THSD7B: variants seen among roughly 807,000 people sequenced by gnomAD.
THSD7B encodes thrombospondin type-1 domain-containing protein 7B.
Under a neutral mutation model 213.6 loss-of-function variants are expected in THSD7B, and 138 were observed. That is an observed-to-expected ratio of 0.65 (90% CI 0.56 to 0.74). The LOEUF is 0.74. Among genes scored for constraint, THSD7B ranks in the 30% least tolerant of loss-of-function variants. The pLI is 0.00. For missense variants in THSD7B, 1,931 were observed against 1,991.5 expected (o/e 0.97, Z 0.58); for synonymous variants, 742 against 687.0 (o/e 1.08, Z -1.25).
At chr2:136,916,116 T>A (rs1274364077) in intron 2 of THSD7B, among the ~76,000 whole-genome samples, 1 of 152,188 alleles carries the variant, frequency 6.6e-6, no homozygotes, top group Non-Finnish European at 1.5e-5. Context: ...TGGATGTTTT[T>A]GTTTTTGTTT....
At chr2:137,573,084 G>T (rs894718324) in intron 17 of THSD7B, among the ~76,000 whole-genome samples, 1 of 151,036 alleles carries the variant, frequency 6.6e-6, no homozygotes, top group East Asian at 1.9e-4. Flanking sequence ...AAAACTAAAG[G>T]ATATACCTTT....
At chr2:137,278,473 T>C (rs528958585) in intron 12 of THSD7B, among the ~76,000 whole-genome samples, 2 of 152,152 alleles carry the variant, frequency 1.3e-5, no homozygotes, top group East Asian at 3.9e-4. Context: ...CATGAAATGT[T>C]TGTAGAAAAC....
Position 137,580,161 on chromosome 2 carries a change from A to C in THSD7B, c.3423+7605A>C, listed in dbSNP as rs527401617. ...CACAAGTTCTATTAAATTTCAAATG[A>C]ATATTCCTATACCAACTAGTTTCTG... is the stretch of plus-strand genomic sequence containing the variant. On this transcript the variant is annotated intron_variant, in intron 17 of 27. Transcript: ENST00000409968. 3.9e-5 allele frequency among the ~76,000 whole-genome samples: 6 copies of C among 152,278 alleles called. No homozygotes were observed. In the South Asian group the frequency reaches 1.0e-3, roughly 26 times the overall value.
At chr2:137,526,561 A>G (rs1680283713) in intron 15 of THSD7B, among the ~76,000 whole-genome samples, 1 of 151,994 alleles carries the variant, frequency 6.6e-6, no homozygotes, top group South Asian at 2.1e-4. Flanking sequence ...AGCTGGGGCC[A>G]CAGGTGCGTA....
intron 12 of THSD7B, among the ~76,000 whole-genome samples, chr2:137,341,695 A>G (rs1044944541): frequency 1.3e-5 from 2 of 151,666 alleles, no homozygotes; most frequent in African/African-American, 4.8e-5. Flanking sequence ...ATAGATACCC[A>G]GTATTCCCAA....
At chr2:136,927,040 A>T (rs879194349) in intron 2 of THSD7B, among the ~76,000 whole-genome samples, 1 of 152,226 alleles carries the variant, frequency 6.6e-6, no homozygotes, top group Non-Finnish European at 1.5e-5. Context: ...GTTTTAGGAT[A>T]AAATATGATT....
At chr2:137,451,668 A>T (rs1019130864) in intron 15 of THSD7B, among the ~76,000 whole-genome samples, 3 of 152,076 alleles carry the variant, frequency 2.0e-5, no homozygotes, top group Non-Finnish European at 4.4e-5. Context: ...AGAGTATTTC[A>T]GTTGCCTTTG....
At chr2:137,462,632 G>C (rs550329314) in intron 15 of THSD7B, among the ~76,000 whole-genome samples, 1 of 152,116 alleles carries the variant, frequency 6.6e-6, no homozygotes, top group East Asian at 1.9e-4. Flanking sequence ...AAGGCAACCT[G>C]GAAGTGTGTT....
intron 15 of THSD7B, among the ~76,000 whole-genome samples, chr2:137,489,228 C>G (rs1293359180): frequency 6.6e-6 from 1 of 151,752 alleles, no homozygotes; most frequent in Non-Finnish European, 1.5e-5. Flanking sequence ...AGATCGAGAC[C>G]ATCCTGGCCA....
intron 2 of THSD7B, among the ~76,000 whole-genome samples, chr2:137,003,798 G>A (rs574851723): frequency 6.6e-6 from 1 of 152,152 alleles, no homozygotes; most frequent in Non-Finnish European, 1.5e-5. Flanking sequence ...CAGCTTACAG[G>A]TAAAGGAAAA....
intron 2 of THSD7B, among the ~76,000 whole-genome samples, chr2:137,045,182 G>GTT (rs70975735): frequency 6.7e-6 from 1 of 148,688 alleles, no homozygotes; most frequent in Admixed American, 6.7e-5. Context: ...CATATGACTT[G>GTT]TTTTTTTTTT....
At chr2:137,145,749 T>A (rs952368363) in intron 5 of THSD7B, among the ~76,000 whole-genome samples, 1 of 152,112 alleles carries the variant, frequency 6.6e-6, no homozygotes, top group Non-Finnish European at 1.5e-5. Context: ...TTTCATATGT[T>A]ATTTAAAGAA....
intron 2 of THSD7B, among the ~76,000 whole-genome samples, chr2:136,892,596 T>C (rs867974747): frequency 3.3e-5 from 5 of 152,016 alleles, no homozygotes; most frequent in Admixed American, 1.3e-4. Flanking sequence ...TTTTGAATGA[T>C]ATACCTCAAA....
intron 1 of THSD7B, among the ~76,000 whole-genome samples, chr2:136,776,159 T>C (rs1198635568): frequency 6.6e-6 from 1 of 152,142 alleles, no homozygotes; most frequent in Non-Finnish European, 1.5e-5. Context: ...TGTGGGGTTT[T>C]ATAGGTGAGT....
intron 10 of THSD7B, among the ~76,000 whole-genome samples, chr2:137,245,828 T>C (rs548066361): frequency 1.3e-5 from 2 of 152,256 alleles, no homozygotes; most frequent in African/African-American, 4.8e-5. Context: ...TTCAACAGAC[T>C]TTTTGGGAAA....
rs143468977 is a variant in THSD7B, at chr2:137,439,963, T to G, written c.2960-10882T>G. ...ACATTTTATTACATTATGAACTTTC[T>G]TCTGTTCCACAGAGTTCTTTGGAGG... On this transcript the variant is annotated intron_variant, in intron 14 of 27. Transcript: ENST00000409968. Among the ~76,000 whole-genome samples, 120 of 152,268 alleles carry G rather than the reference T, an allele frequency of 7.9e-4. 2 individuals carry two copies. The East Asian group carries it at 0.022, about 28-fold the overall frequency.
At chr2:137,238,594 C>T (rs986200327) in intron 9 of THSD7B, among the ~76,000 whole-genome samples, 8 of 122,726 alleles carry the variant, frequency 6.5e-5, no homozygotes, top group East Asian at 5.3e-4. Flanking sequence ...TCGCCCAGGC[C>T]GGACTGCGGA....
At chr2:137,369,643 C>T (rs928143242) in intron 12 of THSD7B, among the ~76,000 whole-genome samples, 3 of 152,120 alleles carry the variant, frequency 2.0e-5, no homozygotes, top group Admixed American at 6.6e-5. Context: ...AACTCAGTAA[C>T]GATTACTCTC....
At position 137,073,647 on chromosome 2, in the gene THSD7B, T is replaced by C. The variant is rs186067720; in HGVS notation, c.950+16417T>C. On this transcript the variant is annotated intron_variant, in intron 3 of 27. Transcript: ENST00000409968. ...GCTAGCTTTTGAATCTGTTTGCTCT[T>C]GCTTCTCTAGTTCTTTTAATTGTGA... Among the ~76,000 whole-genome samples, 762 of 152,326 alleles carry C rather than the reference T, an allele frequency of 5.0e-3. 7 individuals are homozygous for C. Among genetic ancestry groups the C allele is most frequent in the African/African-American group, 0.017 (705 of 41,580 alleles).
Sources: gnomAD v4.1 joint callset for allele counts (sites outside exome capture counted in the v4.1 genomes callset) on GRCh38, gnomAD v4.1.1 for gene constraint, MANE v1.5 for transcripts, NCBI Gene and HGNC (gene_info 2026-07-23, HGNC 2026-07-21) for gene names.